The following FA2H variants were observed in gnomAD, a reference collection of about 807,000 sequenced individuals.
FA2H encodes fatty acid alpha-hydroxylase.
A neutral mutation model predicts 44.9 loss-of-function variants in FA2H; 22 were observed. The ratio of observed to expected loss-of-function variants is 0.49; its 90% CI spans 0.35 to 0.70. The LOEUF is 0.70. FA2H is among the 30% of genes least tolerant of loss of function. FA2H has a pLI of 0.01. For synonymous variants in FA2H, 243 were observed against 213.2 expected (o/e 1.14, Z -1.22); for missense variants, 501 against 504.9 (o/e 0.99, Z 0.07).
chr16:74,741,806 A>ATATATATATATG (rs2058906550), intron 1 of FA2H, among the ~76,000 whole-genome samples: 1 of 60,766 alleles, frequency 1.6e-5, no homozygotes, highest in African/African-American at 7.8e-5. Flanking sequence ...ATATATATAT[A>ATATATATATATG]TATGTGTGTG....
intron 2 of FA2H, among the ~76,000 whole-genome samples, chr16:74,728,387 C>T (rs985522104): frequency 6.6e-6 from 1 of 152,094 alleles, no homozygotes; most frequent in African/African-American, 2.4e-5. Context: ...GTACAAATGC[C>T]CGGGTCACGG....
intron 4 of FA2H, 143 bp downstream of exon 4, chr16:74,726,082 C>A: frequency 1.5e-6 from 1 of 674,292 alleles, no homozygotes; most frequent in Non-Finnish European, 2.7e-6. Flanking sequence ...CTTTGGAAGA[C>A]TATTTCTACA....
chr16:74,764,680 T>G (rs909509062), intron 1 of FA2H, among the ~76,000 whole-genome samples: 4 of 151,884 alleles, frequency 2.6e-5, no homozygotes, highest in Non-Finnish European at 5.9e-5. Flanking sequence ...TGACATGAGT[T>G]TACCTATTTA....
At chr16:74,751,205 C>A (rs1025355342) in intron 1 of FA2H, among the ~76,000 whole-genome samples, 1 of 152,156 alleles carries the variant, frequency 6.6e-6, no homozygotes, top group African/African-American at 2.4e-5. Flanking sequence ...AGCGATCCTC[C>A]TGCCTCAGCC....
At chr16:74,743,496 C>A (rs1181559864) in intron 1 of FA2H, among the ~76,000 whole-genome samples, 2 of 152,208 alleles carry the variant, frequency 1.3e-5, no homozygotes, top group Non-Finnish European at 2.9e-5. Context: ...GGCAGTGGGT[C>A]ATGCCTCGAG....
intron 4 of FA2H, among the ~76,000 whole-genome samples, chr16:74,723,299 TG>T (rs1290271689): frequency 6.6e-6 from 1 of 152,222 alleles, no homozygotes; most frequent in Non-Finnish European, 1.5e-5. Context: ...TCCTCTTCCC[TG>T]GATCTCCCTG....
At chr16:74,762,814 C>T (rs2144660294) in intron 1 of FA2H, among the ~76,000 whole-genome samples, 1 of 152,336 alleles carries the variant, frequency 6.6e-6, no homozygotes, top group South Asian at 2.1e-4. Flanking sequence ...AGGCATGAGC[C>T]ACTGCACCCG....
At chr16:74,741,804 A>ATG (rs1289445691) in intron 1 of FA2H, among the ~76,000 whole-genome samples, 720 of 57,550 alleles carry the variant, frequency 0.013, 2 homozygotes, top group South Asian at 0.022. Flanking sequence ...ATATATATAT[A>ATG]TATATGTGTG....
chr16:74,766,927 C>T (rs1222080541), intron 1 of FA2H, among the ~76,000 whole-genome samples: 1 of 151,838 alleles, frequency 6.6e-6, no homozygotes, highest in Non-Finnish European at 1.5e-5. Context: ...GGCGCTGTTG[C>T]CTGGGAGGAG....
intron 1 of FA2H, among the ~76,000 whole-genome samples, chr16:74,750,790 T>TGTGTGTG (rs1555540831): frequency 6.6e-6 from 1 of 151,368 alleles, no homozygotes; most frequent in African/African-American, 2.4e-5. Flanking sequence ...TGTGTGTGTG[T>TGTGTGTG]TTAAGAGACA....
At chr16:74,766,174 C>T (rs1962805591) in intron 1 of FA2H, among the ~76,000 whole-genome samples, 1 of 152,064 alleles carries the variant, frequency 6.6e-6, no homozygotes, top group Non-Finnish European at 1.5e-5. Flanking sequence ...TGGTGGGCAC[C>T]TGTAATCCCA....
intron 1 of FA2H, among the ~76,000 whole-genome samples, chr16:74,754,524 T>TTTTA (rs1165892430): frequency 3.3e-5 from 5 of 152,032 alleles, no homozygotes; most frequent in Admixed American, 2.6e-4. Flanking sequence ...GAAACAGGAT[T>TTTTA]TTTATTTATT....
rs186682851 is a variant in FA2H at position 74,739,631 on chromosome 16, C to T, written c.363+392G>A. ...CTGTGCCCTGCACTGGCCAATGTCG[C>T]TTCCACATGGCTGCAGGTGCCAGGG... On this transcript the variant is annotated intron_variant, in intron 2 of 6. Coordinates refer to ENST00000219368, the MANE Select transcript of FA2H (RefSeq NM_024306.5). 7.2e-5 allele frequency among the ~76,000 whole-genome samples: 11 copies of T among 152,320 alleles called. No individual in the cohort carries two copies. The East Asian group carries it at 2.1e-3, about 29-fold the overall frequency.
chr16:74,760,522 G>C (rs1280974740), intron 1 of FA2H, among the ~76,000 whole-genome samples: 5 of 152,198 alleles, frequency 3.3e-5, no homozygotes, highest in African/African-American at 9.6e-5. Flanking sequence ...CAGGAAGCTG[G>C]AGTGATCCGC....
chr16:74,750,781 G>GTGTGTGTGTGTGTGTGTGTGTA (rs1376634373), intron 1 of FA2H, among the ~76,000 whole-genome samples: 96 of 151,328 alleles, frequency 6.3e-4, no homozygotes, highest in African/African-American at 2.3e-3. Context: ...GTGTGTGTGT[G>GTGTGTGTGTGTGTGTGTGTGTA]TGTGTGTGTT....
In FA2H at chr16:74,727,230, AG is replaced by A. The variant is rs769905089; in HGVS notation, c.506+13del. On this transcript the variant is annotated intron_variant, in intron 3 of 6. Coordinates refer to ENST00000219368, the MANE Select transcript of FA2H (RefSeq NM_024306.5). ...GAGAGGGACAGCCTGCCACAGGCTCAGGGAAGAGCTCACCAGACAGTCTTAG... is the reference window on the plus strand; with the variant it reads ...GAGAGGGACAGCCTGCCACAGGCTCAGGAAGAGCTCACCAGACAGTCTTAG... The A allele has an allele frequency of 6.8e-6, 11 of 1,613,944 alleles. No homozygotes were observed. Among genetic ancestry groups the A allele is most frequent in the Non-Finnish European group, 9.3e-6 (11 of 1,180,004 alleles).
intron 4 of FA2H, among the ~76,000 whole-genome samples, chr16:74,722,366 CCT>C (rs1204558818): frequency 1.3e-5 from 2 of 151,566 alleles, no homozygotes; most frequent in Non-Finnish European, 2.9e-5. Context: ...TGAGACCCCG[CCT>C]CAACAAAAAG....
In FA2H at chr16:74,733,022, G is replaced by A. The variant is rs914127536; in HGVS notation, c.364-5636C>T. ...GCAAGCACTGCCACCTGTACACATG[G>A]TGGACTTGTGCTTGAGAGTCAGTCC... On this transcript the variant is annotated intron_variant, in intron 2 of 6. Coordinates refer to ENST00000219368, the MANE Select transcript of FA2H (RefSeq NM_024306.5). 2.6e-5 allele frequency among the ~76,000 whole-genome samples: 4 copies of A among 152,336 alleles called. No homozygotes were observed. The East Asian group carries it at 7.7e-4, about 29-fold the overall frequency.
Position 74,716,380 on chromosome 16 carries a change from G to C in FA2H, c.1006C>G (p.His336Asp), listed in dbSNP as rs770609938. Residue 336 changes from histidine to aspartate, a missense_variant, in exon 6 of 7, where the codon CAC becomes GAC. Transcript: ENST00000219368. The stretch of plus-strand genomic sequence containing the variant: ...TGATGTGCAAAGTGGTGCTTGACGT[G>C]GTGGGCCTTCAGGCTGTACAGGTAG... ...GSYLYSLKAH[H>D]VKHHFAHQKS... 2 of 1,614,016 alleles carry C rather than the reference G, an allele frequency of 1.2e-6. No individual in the cohort carries two copies. Among genetic ancestry groups the C allele is most frequent in the Non-Finnish European group, 8.5e-7 (1 of 1,180,006 alleles).
Sources: allele counts gnomAD v4.1 joint callset (sites outside exome capture counted in the v4.1 genomes callset), GRCh38; gene constraint gnomAD v4.1.1; transcripts MANE v1.5; gene names NCBI Gene and HGNC (gene_info 2026-07-23, HGNC 2026-07-21).